FBXO28: variants seen among roughly 807,000 people sequenced by gnomAD.
FBXO28 encodes the protein F-box protein 28.
In FBXO28, 8 loss-of-function variants were observed where a neutral mutation model predicts 38.1. That is an observed-to-expected ratio of 0.21 (90% CI 0.12 to 0.38). The LOEUF (loss-of-function observed/expected upper bound fraction) is 0.38. Ranked by LOEUF, FBXO28 falls within the 10% of genes least tolerant of loss-of-function variation. The pLI is 1.00. For missense variants in FBXO28, 345 were observed against 460.6 expected (o/e 0.75, Z 2.30); for synonymous variants, 168 against 173.8 (o/e 0.97, Z 0.26).
rs776653147 is a variant in FBXO28 at position 224,134,055 on chromosome 1, A to T, written c.378-19A>T. Reference sequence around the variant, plus strand: ...CTGCTTTAATGGTTGCCTTGCTTTTATTATTATTATTATTATAGGAGAGAG... The same window carrying T: ...CTGCTTTAATGGTTGCCTTGCTTTTTTTATTATTATTATTATAGGAGAGAG... On this transcript the variant is annotated intron_variant, in intron 2 of 4. Coordinates refer to ENST00000366862, the MANE Select transcript of FBXO28 (RefSeq NM_015176.4). 4 of 1,234,420 alleles carry T rather than the reference A, an allele frequency of 3.2e-6. No individual in the cohort carries two copies. The highest frequency in any genetic ancestry group is 1.6e-5 in the African/African-American group (1 of 61,210). 76.5% of individuals were successfully genotyped at this position (1,234,420 alleles called of 1,614,324 possible).
chr1:224,124,766 C>T (rs1037858472), intron 1 of FBXO28, among the ~76,000 whole-genome samples: 5 of 152,230 alleles, frequency 3.3e-5, no homozygotes, highest in African/African-American at 1.2e-4. Flanking sequence ...CGCTCTGTCA[C>T]CCAGGCTGGA....
At chr1:224,147,268 C>A (rs1055555576) in intron 3 of FBXO28, among the ~76,000 whole-genome samples, 2 of 151,292 alleles carry the variant, frequency 1.3e-5, no homozygotes, top group Non-Finnish European at 2.9e-5. Context: ...ACTAAAAATA[C>A]AAAAATTAGC....
intron 1 of FBXO28, among the ~76,000 whole-genome samples, chr1:224,130,129 G>A (rs1657001958): frequency 6.6e-6 from 1 of 152,174 alleles, no homozygotes; most frequent in Admixed American, 6.5e-5. Context: ...ATCACTTGAG[G>A]TCAGAAGTTT....
intron 3 of FBXO28, among the ~76,000 whole-genome samples, chr1:224,141,386 G>A (rs1657344882): frequency 1.3e-5 from 2 of 151,644 alleles, no homozygotes; most frequent in South Asian, 4.2e-4. Context: ...CAGGAGAATG[G>A]TGTGAACCCG....
Position 224,136,101 on chromosome 1 carries a change from G to GTTTTTTTTTTTTTTTT in FBXO28, c.516+1894_516+1909dup, listed in dbSNP as rs397982996. 9.5e-4 allele frequency among the ~76,000 whole-genome samples: 71 copies of GTTTTTTTTTTTTTTTT among 75,130 alleles called. 17 individuals are homozygous for GTTTTTTTTTTTTTTTT. The highest frequency in any genetic ancestry group is 3.2e-3 in the African/African-American group (58 of 17,990). 49.3% of individuals were successfully genotyped at this position (75,130 alleles called of 152,430 possible). ...TTTTGGAAACCATTTGTTGACTTCA[G>GTTTTTTTTTTTTTTTT]TTTTTTTTTTTTTTTTTTTTGAGAT... is the stretch of plus-strand genomic sequence containing the variant. On this transcript the variant is annotated intron_variant, in intron 3 of 4. Coordinates refer to ENST00000366862, the MANE Select transcript of FBXO28 (RefSeq NM_015176.4).
intron 2 of FBXO28, among the ~76,000 whole-genome samples, chr1:224,132,758 T>C (rs1170858563): frequency 6.7e-6 from 1 of 149,970 alleles, no homozygotes; most frequent in Non-Finnish European, 1.5e-5. Context: ...TGAGCCAAGA[T>C]CGTGCCATTG....
rs556033738 is a variant in FBXO28 at position 224,158,279 on chromosome 1, C to T, written c.*533C>T. The T allele has an allele frequency of 4.7e-5, 44 of 928,204 alleles. 1 individual carries two copies. The South Asian group carries it at 1.9e-3, about 40-fold the overall frequency. The allele number at this position is 928,204 out of a possible 1,614,324, so 57.5% of individuals were successfully genotyped here. On this transcript the variant is annotated 3_prime_UTR_variant, in exon 5 of 5. Coordinates refer to ENST00000366862, the MANE Select transcript of FBXO28 (RefSeq NM_015176.4). Reference sequence around the variant, plus strand: ...GTAATGGGTAACTAAAATGGACTTCCATAGTATTGACTGTAGAAGGAGCCT... The same window carrying T: ...GTAATGGGTAACTAAAATGGACTTCTATAGTATTGACTGTAGAAGGAGCCT...
chr1:224,160,519 C>T lies in FBXO28; in HGVS notation c.*2773C>T, dbSNP rs989964965. The T allele has an allele frequency of 5.9e-5, 9 of 152,156 alleles. No individual in the cohort carries two copies. Among genetic ancestry groups the T allele is most frequent in the Non-Finnish European group, 8.8e-5 (6 of 68,050 alleles). The allele number at this position is 152,156 out of a possible 1,614,324, so 9.4% of individuals were successfully genotyped here. On this transcript the variant is annotated 3_prime_UTR_variant, in exon 5 of 5. Transcript: ENST00000366862. ...ACGGCTGACCTTACCCCACCCCAGC[C>T]GGATCCTCTGCTTATCTCCCACATG...
chr1:224,150,193 G>A (rs75634647), intron 3 of FBXO28, among the ~76,000 whole-genome samples: 1 of 151,930 alleles, frequency 6.6e-6, no homozygotes, highest in East Asian at 1.9e-4. Flanking sequence ...GCTTGGTGGT[G>A]GGTGCCTGTA....
Position 224,114,501 on chromosome 1 carries a change from C to G in FBXO28, c.267+105C>G, listed in dbSNP as rs1656597409. 5 of 1,009,962 alleles carry G rather than the reference C, an allele frequency of 5.0e-6. No individual in the cohort carries two copies. The South Asian group carries it at 5.1e-5, about 10-fold the overall frequency. 62.6% of individuals were successfully genotyped at this position (1,009,962 alleles called of 1,614,324 possible). On this transcript the variant is annotated intron_variant, in intron 1 of 4. Coordinates refer to ENST00000366862, the MANE Select transcript of FBXO28 (RefSeq NM_015176.4). Reference sequence around the variant, plus strand: ...AAGGGAGCCCCCCGCGAGCCCCAGCCGGCTACAGATCTGGGAGGGAGCCGC... The same window carrying G: ...AAGGGAGCCCCCCGCGAGCCCCAGCGGGCTACAGATCTGGGAGGGAGCCGC...
intron 1 of FBXO28, among the ~76,000 whole-genome samples, chr1:224,126,650 A>G (rs116766454): frequency 0.012 from 1,817 of 152,206 alleles, 39 homozygotes; most frequent in African/African-American, 0.039. Flanking sequence ...CCCCATCTCT[A>G]TTACGAAAAA....
chr1:224,154,668 C>T (rs945536388), intron 4 of FBXO28, among the ~76,000 whole-genome samples: 10 of 152,100 alleles, frequency 6.6e-5, no homozygotes, highest in African/African-American at 2.2e-4. Context: ...ATTAGCTGGG[C>T]GCGGTGGTGG....
rs1291361191 is a variant in FBXO28 at position 224,160,898 on chromosome 1, G to C, written c.*3152G>C. 4 of 152,120 alleles carry C rather than the reference G, an allele frequency of 2.6e-5. No homozygotes were observed. The East Asian group carries it at 7.7e-4, about 29-fold the overall frequency. 9.4% of individuals were successfully genotyped at this position (152,120 alleles called of 1,614,324 possible). A position where few individuals can be genotyped will look rare whatever the true frequency, so the allele number is the denominator to read the frequency against. On this transcript the variant is annotated 3_prime_UTR_variant, in exon 5 of 5. Coordinates refer to ENST00000366862, the MANE Select transcript of FBXO28 (RefSeq NM_015176.4). Reference sequence around the variant, plus strand: ...GTATAAGTAATGCCTAAATTAATAAGCTAAAAGGTGTCACTACAGCTGGAT... The same window carrying C: ...GTATAAGTAATGCCTAAATTAATAACCTAAAAGGTGTCACTACAGCTGGAT...
rs769513455 is a variant in FBXO28 at position 224,159,696 on chromosome 1, G to A, written c.*1950G>A. 7.2e-5 allele frequency: 11 copies of A among 151,964 alleles called. No individual in the cohort carries two copies. Among genetic ancestry groups the A allele is most frequent in the Admixed American group, 4.6e-4 (7 of 15,238 alleles). The allele number at this position is 151,964 out of a possible 1,614,324, so 9.4% of individuals were successfully genotyped here. On this transcript the variant is annotated 3_prime_UTR_variant, in exon 5 of 5. Coordinates refer to ENST00000366862, the MANE Select transcript of FBXO28 (RefSeq NM_015176.4). ...GGGGCCTCTACTAGTCTGCTTTTCC[G>A]GTCATAGGAAGACTTTTTTTTTTAC...
chr1:224,136,816 A>G (rs1362395388), intron 3 of FBXO28, among the ~76,000 whole-genome samples: 1 of 151,264 alleles, frequency 6.6e-6, no homozygotes, highest in East Asian at 2.0e-4. Flanking sequence ...CATTGGTGCA[A>G]TCTTGGCTCA....
intron 1 of FBXO28, among the ~76,000 whole-genome samples, chr1:224,123,680 C>T (rs1418374856): frequency 4.6e-5 from 7 of 151,870 alleles, no homozygotes; most frequent in African/African-American, 1.7e-4. Flanking sequence ...TTCAAGGCAT[C>T]TAAGAAAAAA....
intron 1 of FBXO28, among the ~76,000 whole-genome samples, chr1:224,123,552 T>A (rs1263625072): frequency 6.6e-6 from 1 of 152,066 alleles, no homozygotes; most frequent in Non-Finnish European, 1.5e-5. Context: ...CTTGATCAAT[T>A]TGTATGTATA....
rs1657448339 is a variant in FBXO28 at position 224,144,447 on chromosome 1, C to T, written c.517-8695C>T. Among the ~76,000 whole-genome samples, 4 of 149,590 alleles carry T rather than the reference C, an allele frequency of 2.7e-5. No homozygotes were observed. The South Asian group carries it at 6.4e-4, about 24-fold the overall frequency. On this transcript the variant is annotated intron_variant, in intron 3 of 4. Coordinates refer to ENST00000366862, the MANE Select transcript of FBXO28 (RefSeq NM_015176.4). Reference sequence around the variant, plus strand: ...CTGCACTCCAGCCTGGGCAACAGGGCGAAGACCCTGTCTCAAAAAAAAACA... The same window carrying T: ...CTGCACTCCAGCCTGGGCAACAGGGTGAAGACCCTGTCTCAAAAAAAAACA...
intron 3 of FBXO28, among the ~76,000 whole-genome samples, chr1:224,150,442 A>T (rs933265125): frequency 2.6e-5 from 4 of 152,314 alleles, no homozygotes; most frequent in African/African-American, 7.2e-5. Flanking sequence ...ATCAGTCAGT[A>T]TGAAGGACCC....
Sources: gnomAD v4.1 joint callset for allele counts (sites outside exome capture counted in the v4.1 genomes callset) on GRCh38, gnomAD v4.1.1 for gene constraint, MANE v1.5 for transcripts, NCBI Gene and HGNC (gene_info 2026-07-23, HGNC 2026-07-21) for gene names.